Variants in TRAF3 observed in about 807,000 individuals in gnomAD.
The protein encoded by TRAF3 is TNF receptor associated factor 3.
TRAF3 carries 13 observed loss-of-function variants against 62.3 expected under a neutral mutation model. That is an observed-to-expected ratio of 0.21 (90% CI 0.14 to 0.33). TRAF3 has a LOEUF of 0.33. TRAF3 is among the 10% of genes least tolerant of loss of function. The probability of loss-of-function intolerance (pLI) is 1.00; values close to 1 mark genes in which losing one functional copy is unlikely to be tolerated. For missense variants in TRAF3, 440 were observed against 741.8 expected, an observed-to-expected ratio of 0.59 and a Z score of 4.73; for synonymous variants, 269 against 283.4, an observed-to-expected ratio of 0.95 and a Z score of 0.51.
chr14:102,893,249 G>T (rs1313177888), intron 9 of TRAF3, among the ~76,000 whole-genome samples: 1 of 151,964 alleles, frequency 6.6e-6, no homozygotes, highest in Non-Finnish European at 1.5e-5. Context: ...AATTACGCCA[G>T]CATAGTGGCA....
intron 1 of TRAF3, among the ~76,000 whole-genome samples, chr14:102,821,223 C>G (rs1257798586): frequency 6.6e-6 from 1 of 152,064 alleles, no homozygotes; most frequent in Non-Finnish European, 1.5e-5. Context: ...AATGATTTGT[C>G]CAAGGTACTT....
intron 1 of TRAF3, among the ~76,000 whole-genome samples, chr14:102,827,293 G>A (rs1470818729): frequency 1.3e-5 from 2 of 152,194 alleles, no homozygotes; most frequent in African/African-American, 2.4e-5. Context: ...ACCGGTGCCC[G>A]CCCTGACGGC....
intron 2 of TRAF3, among the ~76,000 whole-genome samples, chr14:102,843,620 G>C (rs1702575257): frequency 6.6e-6 from 1 of 152,174 alleles, no homozygotes; most frequent in Non-Finnish European, 1.5e-5. Flanking sequence ...TTACAGGCGT[G>C]AGACACTGCA....
At chr14:102,838,691 T>C (rs991825534) in intron 2 of TRAF3, among the ~76,000 whole-genome samples, 3 of 152,176 alleles carry the variant, frequency 2.0e-5, no homozygotes, top group Admixed American at 6.5e-5. Context: ...GAGCAGAGTT[T>C]GCAAGTCCAC....
intron 2 of TRAF3, among the ~76,000 whole-genome samples, chr14:102,834,015 G>A (rs1311154666): frequency 3.3e-5 from 5 of 151,806 alleles, no homozygotes; most frequent in South Asian, 2.1e-4. Flanking sequence ...ATATTTGGGC[G>A]TGCATACTGC....
chr14:102,842,244 AAAAT>A (rs1177964955), intron 2 of TRAF3, among the ~76,000 whole-genome samples: 4 of 149,644 alleles, frequency 2.7e-5, no homozygotes, highest in African/African-American at 4.9e-5. Flanking sequence ...CTCTGTCTCA[AAAAT>A]AAATAAATAG....
At chr14:102,874,557 T>G (rs939260094) in intron 4 of TRAF3, among the ~76,000 whole-genome samples, 2 of 151,450 alleles carry the variant, frequency 1.3e-5, no homozygotes, top group African/African-American at 4.9e-5. Context: ...CTGTTCCCAG[T>G]CAACCCTGTC....
At chr14:102,869,278 G>A (rs1888189657) in intron 2 of TRAF3, among the ~76,000 whole-genome samples, 1 of 152,204 alleles carries the variant, frequency 6.6e-6, no homozygotes, top group Admixed American at 6.5e-5. Flanking sequence ...TGGGCACACT[G>A]TCACAGGGTT....
chr14:102,889,673 T>C (rs1428438820), intron 8 of TRAF3, 39 bp downstream of exon 8: 1 of 1,602,680 alleles, frequency 6.2e-7, no homozygotes. Context: ...TCACTGACAT[T>C]CTGCCATGAG....
At chr14:102,845,148 G>C (rs1320535285) in intron 2 of TRAF3, among the ~76,000 whole-genome samples, 1 of 151,464 alleles carries the variant, frequency 6.6e-6, no homozygotes, top group African/African-American at 2.4e-5. Flanking sequence ...CACCCACCTC[G>C]GCCTCCCAAA....
At chr14:102,853,907 A>G (rs2139744695) in intron 2 of TRAF3, among the ~76,000 whole-genome samples, 1 of 152,044 alleles carries the variant, frequency 6.6e-6, no homozygotes, top group South Asian at 2.1e-4. Context: ...CATCACCCCA[A>G]AAAGAAACCC....
At chr14:102,783,094 G>A (rs1334062190) in intron 1 of TRAF3, among the ~76,000 whole-genome samples, 1 of 152,190 alleles carries the variant, frequency 6.6e-6, no homozygotes, top group Non-Finnish European at 1.5e-5. Flanking sequence ...TCCACCAAGG[G>A]CCAGGCACAT....
chr14:102,790,421 G>A (rs1473644133), intron 1 of TRAF3, among the ~76,000 whole-genome samples: 1 of 152,144 alleles, frequency 6.6e-6, no homozygotes, highest in East Asian at 1.9e-4. Context: ...TTCTCATGCT[G>A]CTAATAAAGA....
chr14:102,891,130 G>A (rs558795294), intron 8 of TRAF3, among the ~76,000 whole-genome samples, 195 bp from the exon 9 acceptor site: 2 of 152,298 alleles, frequency 1.3e-5, no homozygotes, highest in African/African-American at 4.8e-5. Flanking sequence ...TGCTCCTGGC[G>A]GCCTCCTCAC....
intron 1 of TRAF3, among the ~76,000 whole-genome samples, chr14:102,820,614 A>ATTTT (rs57149106): frequency 5.6e-5 from 1 of 17,926 alleles, no homozygotes; most frequent in African/African-American, 5.9e-4. Flanking sequence ...ATATATATAT[A>ATTTT]TTTTTTTTTT....
chr14:102,833,820 C>T (rs1010671506), intron 2 of TRAF3, among the ~76,000 whole-genome samples: 1 of 151,942 alleles, frequency 6.6e-6, no homozygotes, highest in East Asian at 1.9e-4. Context: ...CTGTGAAACC[C>T]CATCTCTACT....
At chr14:102,827,910 T>C (rs1158061874) in intron 1 of TRAF3, among the ~76,000 whole-genome samples, 2 of 152,244 alleles carry the variant, frequency 1.3e-5, no homozygotes, top group Admixed American at 1.3e-4. Context: ...CTTGGTTTTC[T>C]GGAATGGAAA....
chr14:102,877,589 C>A (rs1888774948), intron 6 of TRAF3, among the ~76,000 whole-genome samples: 1 of 146,534 alleles, frequency 6.8e-6, no homozygotes, highest in Admixed American at 6.9e-5. Flanking sequence ...TTCCACAGGC[C>A]TTCCGCTCAG....
intron 1 of TRAF3, among the ~76,000 whole-genome samples, chr14:102,789,972 C>T (rs1270062394): frequency 6.6e-6 from 1 of 151,864 alleles, no homozygotes; most frequent in African/African-American, 2.4e-5. Context: ...GGACTACAGG[C>T]ACACGCCACC....
Sources: gnomAD v4.1 joint callset for allele counts (sites outside exome capture counted in the v4.1 genomes callset) on GRCh38, gnomAD v4.1.1 for gene constraint, MANE v1.5 for transcripts, NCBI Gene and HGNC (gene_info 2026-07-23, HGNC 2026-07-21) for gene names.